Variants in AKT2 observed in about 807,000 individuals in gnomAD.
AKT2 encodes AKT serine/threonine kinase 2, also known as RAC-beta serine/threonine-protein kinase.
Under a neutral mutation model 58.6 loss-of-function variants are expected in AKT2, and 16 were observed. The observed-to-expected ratio is 0.27, with a 90% CI of 0.18 to 0.41. The LOEUF (loss-of-function observed/expected upper bound fraction) is 0.41, where lower values mean the gene tolerates loss of function less well. Among genes scored for constraint, AKT2 ranks in the 10% least tolerant of loss-of-function variants. The pLI, the probability that AKT2 is intolerant of heterozygous loss-of-function variation, is 1.00. For synonymous variants in AKT2, 253 were observed against 254.0 expected (o/e 1.00, Z 0.04); for missense variants, 438 against 661.0 (o/e 0.66, Z 3.70).
At chr19:40,265,544 C>T in intron 1 of AKT2, 193 bp from the exon 2 acceptor site, 1 of 717,994 alleles carries the variant, frequency 1.4e-6, no homozygotes, top group Admixed American at 3.0e-5. Context: ...CCCAGCGACC[C>T]CAATCTGGGG....
At chr19:40,282,765 C>T (rs1215403104) in intron 1 of AKT2, 1 of 319,858 alleles carries the variant, frequency 3.1e-6, no homozygotes, top group Non-Finnish European at 6.2e-6. Context: ...CTCTGAACTT[C>T]AATTTCGGAC....
At chr19:40,270,184 T>C (rs1306103884) in intron 1 of AKT2, among the ~76,000 whole-genome samples, 3 of 152,174 alleles carry the variant, frequency 2.0e-5, no homozygotes, top group Non-Finnish European at 2.9e-5. Flanking sequence ...CTACCTCCCC[T>C]TACCCTTACC....
intron 1 of AKT2, among the ~76,000 whole-genome samples, chr19:40,271,794 T>C (rs902467909): frequency 1.3e-5 from 2 of 152,194 alleles, no homozygotes; most frequent in South Asian, 2.1e-4. Flanking sequence ...TCTGGCAGCA[T>C]CCTGGGTCTC....
At chr19:40,279,803 T>C (rs1335173854) in intron 1 of AKT2, among the ~76,000 whole-genome samples, 3 of 152,146 alleles carry the variant, frequency 2.0e-5, no homozygotes, top group African/African-American at 7.2e-5. Flanking sequence ...TCCCCAACAC[T>C]TCCTGGTTGG....
At chr19:40,271,419 C>G (rs1413582166) in intron 1 of AKT2, among the ~76,000 whole-genome samples, 1 of 141,504 alleles carries the variant, frequency 7.1e-6, no homozygotes. Flanking sequence ...AAAGCCAGAC[C>G]CTGTCTCAAA....
Position 40,238,959 on chromosome 19 carries a change from G to A in AKT2, c.654C>T (p.Ala218=). Residue 218 remains alanine (A), a synonymous_variant, in exon 8 of 14, where the codon GCC becomes GCT. Transcript: ENST00000392038. This position sits in a 1 kb window ranked among gnomAD's most constrained non-coding sequence, Gnocchi z 5.1. The stretch of plus-strand genomic sequence containing the variant: ...AGCACAGGCGGTCGTGGGTCTGGAA[G>A]GCATACTTCAGCGCCTGGGGGATGA... The part of the protein sequence containing the change: ...RHPFLTALKY[A]FQTHDRLCFV... 1.2e-6 allele frequency: 2 copies of A among 1,614,052 alleles called. No homozygotes were observed. Among genetic ancestry groups the A allele is most frequent in the Non-Finnish European group, 1.7e-6 (2 of 1,179,990 alleles).
At chr19:40,240,408 A>G in intron 6 of AKT2, 1 of 607,002 alleles carries the variant, frequency 1.6e-6, no homozygotes, top group Non-Finnish European at 3.2e-6. Context: ...AACAGACATC[A>G]CGAGAGCCCC....
chr19:40,253,281 A>G (rs1341462539), intron 4 of AKT2, among the ~76,000 whole-genome samples: 1 of 152,186 alleles, frequency 6.6e-6, no homozygotes, highest in Non-Finnish European at 1.5e-5. Flanking sequence ...AGGGCTCTCT[A>G]GAGGGTCTGC....
In AKT2 at chr19:40,234,685, A is replaced by G; in HGVS notation, c.1366+360T>C. 1 of 575,284 alleles carries G rather than the reference A, an allele frequency of 1.7e-6. No homozygotes were observed. The allele number at this position is 575,284 out of a possible 1,614,324, so 35.6% of individuals were successfully genotyped here. ...ACCTGGGCTGGGAGCTTTCCAGGGC[A>G]GGGCCCAGGGCTGGCTCAATCAGTG... On this transcript the variant is annotated intron_variant, in intron 13 of 13. Coordinates refer to ENST00000392038, the MANE Select transcript of AKT2 (RefSeq NM_001626.6). The surrounding 1 kb of genome is among the most constrained non-coding windows in gnomAD (Gnocchi z 4.7).
rs561667307 is a variant in AKT2, at chr19:40,235,798, G to A, written c.1175+92C>T. On this transcript the variant is annotated intron_variant, in intron 11 of 13. Transcript: ENST00000392038. This position sits in a 1 kb window ranked among gnomAD's most constrained non-coding sequence, Gnocchi z 6.3. The stretch of plus-strand genomic sequence containing the variant: ...GGGACGACACACTGCGACCCTACAA[G>A]CGAGCACCCTTGTGGACGCTGCCCC... 41 of 1,331,944 alleles carry A rather than the reference G, an allele frequency of 3.1e-5. No individual in the cohort carries two copies. The African/African-American group carries it at 5.7e-4, about 18-fold the overall frequency. 82.5% of individuals were successfully genotyped at this position (1,331,944 alleles called of 1,614,324 possible). A position where few individuals can be genotyped will look rare whatever the true frequency, so the allele number is the denominator to read the frequency against.
chr19:40,233,903 T>C lies in AKT2; in HGVS notation c.1415A>G (p.Gln472Arg). 6.2e-7 allele frequency: 1 copy of C among 1,611,834 alleles called. No individual in the cohort carries two copies. The highest frequency in any genetic ancestry group is 8.5e-7 in the Non-Finnish European group (1 of 1,179,828). Residue 472 changes from glutamine to arginine, a missense_variant, in exon 14 of 14, where the codon CAG (glutamine) becomes CGG (arginine). Physicochemically the swap from Gln to Arg is conservative, Grantham distance 43 (BLOSUM62 1). Around this residue, in one of 3 missense-constraint regions of AKT2, gnomAD observed 148 missense variants for 199.5 expected, o/e 0.74. Transcript: ENST00000392038. The surrounding 1 kb of genome is among the most constrained non-coding windows in gnomAD (Gnocchi z 4.3). Reference protein sequence around the residue: ...LELDQRTHFPQFSYSASIRE With the variant: ...LELDQRTHFPRFSYSASIRE ...GCGGATGCTGGCCGAGTAGGAGAAC[T>C]GGGGGAAGTGGGTCCGCTGGTCCAG...
intron 1 of AKT2, among the ~76,000 whole-genome samples, chr19:40,280,120 C>A (rs1387389294): frequency 6.6e-6 from 1 of 152,250 alleles, no homozygotes; most frequent in Non-Finnish European, 1.5e-5. Context: ...AAGCCCTGGT[C>A]TTTCCAATTC....
chr19:40,248,497 G>A (rs139797581), intron 4 of AKT2, among the ~76,000 whole-genome samples: 26 of 152,332 alleles, frequency 1.7e-4, no homozygotes, highest in East Asian at 1.5e-3. Context: ...AGGAGATGAC[G>A]TTTAAACCAG....
In AKT2 at chr19:40,238,098, GA is replaced by G; in HGVS notation, c.709-8del. 1 of 1,591,026 alleles carries G rather than the reference GA, an allele frequency of 6.3e-7. No individual in the cohort carries two copies. Among genetic ancestry groups the G allele is most frequent in the East Asian group, 2.3e-5 (1 of 44,202 alleles). ...GGGACAGGTGGAAGAACAGCTGCAGGAGGAAGGGGTGGGGAGAGGAGGTCAG... is the reference window on the plus strand; with the variant it reads ...GGGACAGGTGGAAGAACAGCTGCAGGGGAAGGGGTGGGGAGAGGAGGTCAG... On this transcript the variant is annotated splice_region_variant and splice_polypyrimidine_tract_variant and intron_variant, in intron 8 of 13. Coordinates refer to ENST00000392038, the MANE Select transcript of AKT2 (RefSeq NM_001626.6). The surrounding 1 kb of genome is among the most constrained non-coding windows in gnomAD (Gnocchi z 5.1).
intron 7 of AKT2, 117 bp downstream of exon 7, chr19:40,239,928 G>C: frequency 2.3e-6 from 3 of 1,292,982 alleles, no homozygotes; most frequent in South Asian, 1.2e-5. Context: ...GCAACACCTT[G>C]CCCTGCCCGC....
In AKT2 at chr19:40,230,553, G is replaced by A. The variant is rs572465909; in HGVS notation, c.*3319C>T. ...GCCCCCAGAGGCTTCACATTAACTG[G>A]AAAAGATTACACAAAAAGAGCAGGA... On this transcript the variant is annotated 3_prime_UTR_variant, in exon 14 of 14. Transcript: ENST00000392038. 1.3e-5 allele frequency: 3 copies of A among 227,516 alleles called. No homozygotes were observed. The highest frequency in any genetic ancestry group is 1.8e-4 in the South Asian group (1 of 5,482). The allele number at this position is 227,516 out of a possible 1,614,324, so 14.1% of individuals were successfully genotyped here.
chr19:40,232,091 T>C lies in AKT2; in HGVS notation c.*1781A>G, dbSNP rs1973729758. On this transcript the variant is annotated 3_prime_UTR_variant, in exon 14 of 14. Transcript: ENST00000392038. ...AGCACTGAGGGCCTGGAGTGGTCTC[T>C]GTCCACCCCACCCCCACATGCGGGG... The C allele has an allele frequency of 4.3e-6, 1 of 233,570 alleles. No homozygotes were observed. The highest frequency in any genetic ancestry group is 8.5e-6 in the Non-Finnish European group (1 of 118,328). The allele number at this position is 233,570 out of a possible 1,614,324, so 14.5% of individuals were successfully genotyped here.
chr19:40,247,662 C>T (rs1185925669), intron 4 of AKT2, among the ~76,000 whole-genome samples: 1 of 152,190 alleles, frequency 6.6e-6, no homozygotes, highest in Non-Finnish European at 1.5e-5. Context: ...AGAGGGGCCC[C>T]CACCCCTGCC....
chr19:40,257,119 G>A (rs1025575385), intron 2 of AKT2, 65 bp from the exon 3 acceptor site: 30 of 1,590,008 alleles, frequency 1.9e-5, no homozygotes, highest in Admixed American at 6.7e-5. Context: ...CCAGGTAGGC[G>A]GCAGGAGGCC....
Sources: allele counts gnomAD v4.1 joint callset (sites outside exome capture counted in the v4.1 genomes callset), GRCh38; gene constraint gnomAD v4.1.1; regional missense constraint gnomAD v4.1.1; non-coding constraint Gnocchi (gnomAD v3.1); transcripts MANE v1.5; gene names NCBI Gene and HGNC (gene_info 2026-07-23, HGNC 2026-07-21).